Variants in TAF1B observed in about 807,000 individuals in gnomAD.
TAF1B encodes TATA box-binding protein-associated factor RNA polymerase I subunit B.
Under a neutral mutation model 83.9 loss-of-function variants are expected in TAF1B, and 61 were observed. That is an observed-to-expected ratio of 0.73 (90% confidence interval 0.59 to 0.90). The LOEUF is 0.90. TAF1B is among the 40% of genes least tolerant of loss of function. The pLI is 0.00. For synonymous variants in TAF1B, 221 were observed against 224.6 expected (o/e 0.98, Z 0.14); for missense variants, 625 against 677.0 (o/e 0.92, Z 0.85).
chr2:9,856,927 A>G (rs1311549821), intron 5 of TAF1B, among the ~76,000 whole-genome samples: 1 of 152,226 alleles, frequency 6.6e-6, no homozygotes, highest in Non-Finnish European at 1.5e-5. Context: ...TATCCATTAA[A>G]TATTTCCTTA....
At chr2:9,908,362 A>G (rs16867233) in intron 9 of TAF1B, among the ~76,000 whole-genome samples, 78,174 of 151,980 alleles carry the variant, frequency 0.51, 23,112 homozygotes, top group Non-Finnish European at 0.68. Context: ...ATTAATTTTA[A>G]AAGAAGAGAA....
chr2:9,893,251 C>T (rs1289680961), intron 8 of TAF1B, among the ~76,000 whole-genome samples: 1 of 152,060 alleles, frequency 6.6e-6, no homozygotes, highest in East Asian at 1.9e-4. Flanking sequence ...GTCTACCTAC[C>T]TACTTGTGTA....
At chr2:9,912,975 A>G (rs1665577346) in intron 11 of TAF1B, among the ~76,000 whole-genome samples, 184 bp from the exon 12 acceptor site, 1 of 152,216 alleles carries the variant, frequency 6.6e-6, no homozygotes, top group Admixed American at 6.5e-5. Flanking sequence ...ATGGAGTGAA[A>G]GAGTGAGGAG....
intron 8 of TAF1B, among the ~76,000 whole-genome samples, chr2:9,885,838 G>T (rs1664659653): frequency 6.6e-6 from 1 of 151,428 alleles, no homozygotes; most frequent in Admixed American, 6.6e-5. Context: ...CTTAGTTAAG[G>T]TTATTTGTAT....
chr2:9,886,926 G>T (rs1184999468), intron 8 of TAF1B, among the ~76,000 whole-genome samples: 2 of 152,144 alleles, frequency 1.3e-5, no homozygotes, highest in African/African-American at 4.8e-5. Flanking sequence ...TTAGCTGAGC[G>T]TGGTGGCGCA....
At chr2:9,849,325 G>A in intron 2 of TAF1B, 48 bp from the exon 3 acceptor site, 1 of 1,393,210 alleles carries the variant, frequency 7.2e-7, no homozygotes, top group African/African-American at 1.5e-5. Flanking sequence ...AAATGCTTAG[G>A]GGGATGTAAA....
At chr2:9,917,046 A>G (rs62127463) in intron 12 of TAF1B, among the ~76,000 whole-genome samples, 27,331 of 151,840 alleles carry the variant, frequency 0.18, 3,114 homozygotes, top group East Asian at 0.31. Flanking sequence ...GGGTTTCTCC[A>G]TGTTGGTCAG....
At chr2:9,907,700 T>TTATGTAATTTCTGTTTCATG (rs920732152) in intron 9 of TAF1B, among the ~76,000 whole-genome samples, 9 of 152,140 alleles carry the variant, frequency 5.9e-5, no homozygotes, top group African/African-American at 1.9e-4. Context: ...TCATGATCAT[T>TTATGTAATTTCTGTTTCATG]TATGTAATTT....
chr2:9,846,197 TG>T, intron 2 of TAF1B: 1 of 454,738 alleles, frequency 2.2e-6, no homozygotes, highest in Non-Finnish European at 4.5e-6. Context: ...GTGAGTCTTC[TG>T]ACTTCAGTGT....
In TAF1B at chr2:9,849,457, A is replaced by G. The variant is rs1005901185; in HGVS notation, c.202A>G (p.Thr68Ala). 6 of 1,551,338 alleles carry G rather than the reference A, an allele frequency of 3.9e-6. No individual in the cohort carries two copies. The highest frequency in any genetic ancestry group is 5.2e-6 in the Non-Finnish European group (6 of 1,150,338). The change falls in exon 3 of 15, where the codon ACT becomes GCT. Residue 68 changes from threonine (T) to alanine (A), a missense_variant. Physicochemically the swap from Thr to Ala is moderately conservative, Grantham distance 58. Coordinates refer to ENST00000263663, the MANE Select transcript of TAF1B (RefSeq NM_005680.3). ...LNRGLKKKNN[T>A]EKGWDWYVCE... ...CCGGGGGCTTAAAAAAAAAAACAAT[A>G]CTGGTAAGTTCTTTCTTCATATGTA...
At chr2:9,854,460 T>A in intron 5 of TAF1B, 39 bp downstream of exon 5, 1 of 1,467,536 alleles carries the variant, frequency 6.8e-7, no homozygotes, top group Admixed American at 1.7e-5. Flanking sequence ...AAAAAACATG[T>A]CTGTTGAGAT....
chr2:9,851,287 A>G (rs187427092), intron 3 of TAF1B, among the ~76,000 whole-genome samples: 5 of 152,272 alleles, frequency 3.3e-5, no homozygotes, highest in South Asian at 2.1e-4. Flanking sequence ...AACATTTGAA[A>G]TCGGAAATTA....
chr2:9,851,891 T>G (rs1313187250), intron 4 of TAF1B: 1 of 612,908 alleles, frequency 1.6e-6, no homozygotes, highest in East Asian at 3.6e-5. Flanking sequence ...AACAACAGGT[T>G]AAACAAAGTA....
intron 2 of TAF1B, among the ~76,000 whole-genome samples, chr2:9,847,022 C>T (rs1211019679): frequency 3.9e-5 from 6 of 152,164 alleles, no homozygotes. Flanking sequence ...TAGATGAAGT[C>T]AGCATACTAT....
At chr2:9,917,588 T>TA (rs1354129227) in intron 12 of TAF1B, among the ~76,000 whole-genome samples, 1 of 152,236 alleles carries the variant, frequency 6.6e-6, no homozygotes, top group African/African-American at 2.4e-5. Context: ...CCTGTGAAAG[T>TA]AGAGGATAAG....
At chr2:9,857,665 A>G (rs57352580) in intron 5 of TAF1B, among the ~76,000 whole-genome samples, 24,664 of 152,224 alleles carry the variant, frequency 0.16, 2,091 homozygotes, top group Middle Eastern at 0.28. Flanking sequence ...GGGAGGCCCT[A>G]GAAAACATGT....
intron 11 of TAF1B, 122 bp downstream of exon 11, chr2:9,911,679 T>C: frequency 1.8e-6 from 1 of 561,324 alleles, no homozygotes; most frequent in Non-Finnish European, 2.9e-6. Context: ...TGTATACAAA[T>C]TGTATATTGT....
intron 9 of TAF1B, among the ~76,000 whole-genome samples, chr2:9,907,973 C>T (rs1367385): frequency 0.38 from 55,129 of 146,072 alleles, 10,550 homozygotes; most frequent in East Asian, 0.53. Flanking sequence ...CTTCCAGTTG[C>T]TTTTCTTATT....
rs1254000370 is a variant in TAF1B, at chr2:9,843,971, T to C, written c.18+412T>C. Among the ~76,000 whole-genome samples, 4 of 151,996 alleles carry C rather than the reference T, an allele frequency of 2.6e-5. No individual in the cohort carries two copies. In the East Asian group the frequency reaches 7.7e-4, roughly 29 times the overall value. The stretch of plus-strand genomic sequence containing the variant: ...CCGCCGGGTAACCCCTGTCGGTCTC[T>C]CCGGGAATCCTTGCCACTGTCTCCA... On this transcript the variant is annotated intron_variant, in intron 1 of 14. Transcript: ENST00000263663.
Sources: allele counts gnomAD v4.1 joint callset (sites outside exome capture counted in the v4.1 genomes callset), GRCh38; gene constraint gnomAD v4.1.1; transcripts MANE v1.5; gene names NCBI Gene and HGNC (gene_info 2026-07-23, HGNC 2026-07-21).